INTS1: variants seen among roughly 807,000 people sequenced by gnomAD.
INTS1 encodes integrator complex subunit 1.
INTS1 carries 137 observed loss-of-function variants against 241.6 expected under a neutral mutation model. That is an observed-to-expected ratio of 0.57 (90% CI 0.49 to 0.65). The LOEUF (loss-of-function observed/expected upper bound fraction) is 0.65, where lower values mean the gene tolerates loss of function less well. Ranked by LOEUF, INTS1 falls within the 30% of genes least tolerant of loss-of-function variation. INTS1 has a pLI of 0.00. For missense variants in INTS1, 3,073 were observed against 3,032.2 expected (o/e 1.01, Z -0.32); for synonymous variants, 1,692 against 1,337.8 (o/e 1.26, Z -5.78).
In INTS1 at chr7:1,478,718, G is replaced by T. The variant is rs530722856; in HGVS notation, c.4489+8C>A. 1 of 1,562,000 alleles carries T rather than the reference G, an allele frequency of 6.4e-7. No individual in the cohort carries two copies. Among genetic ancestry groups the T allele is most frequent in the South Asian group, 1.2e-5 (1 of 86,242 alleles). On this transcript the variant is annotated splice_region_variant and intron_variant, in intron 32 of 47. Coordinates refer to ENST00000404767, the MANE Select transcript of INTS1 (RefSeq NM_001080453.3). ...CCCAGCCGTCTGCCAGCCCGGCGCGGTCCTCACCATCACTGAGCCTGCGCC... is the reference window on the plus strand; with the variant it reads ...CCCAGCCGTCTGCCAGCCCGGCGCGTTCCTCACCATCACTGAGCCTGCGCC...
intron 5 of INTS1, 30 bp downstream of exon 5, chr7:1,499,854 A>G: frequency 6.2e-7 from 1 of 1,602,264 alleles, no homozygotes; most frequent in Non-Finnish European, 8.5e-7. Flanking sequence ...GCGCTCTGCC[A>G]TCTTCACCGT....
intron 12 of INTS1, among the ~76,000 whole-genome samples, 198 bp downstream of exon 12, chr7:1,495,958 T>G (rs1782829340): frequency 6.6e-6 from 1 of 152,200 alleles, no homozygotes; most frequent in Admixed American, 6.5e-5. Flanking sequence ...GAACAGGGTC[T>G]GAGCCTGCAG....
intron 7 of INTS1, 24 bp downstream of exon 7, chr7:1,499,231 G>A: frequency 6.2e-7 from 1 of 1,607,820 alleles, no homozygotes; most frequent in Non-Finnish European, 8.5e-7. Context: ...GCCCCCAACT[G>A]GGACCGGGCA....
At chr7:1,476,993 T>TC in intron 35 of INTS1, 75 bp from the exon 36 acceptor site, 6 of 1,520,534 alleles carry the variant, frequency 3.9e-6, no homozygotes, top group Non-Finnish European at 5.3e-6. Context: ...GCTGACAGCT[T>TC]CCCCAATGAG....
intron 18 of INTS1, among the ~76,000 whole-genome samples, chr7:1,488,720 C>G (rs1356962798): frequency 6.6e-6 from 1 of 152,222 alleles, no homozygotes; most frequent in Non-Finnish European, 1.5e-5. Context: ...GGCCACTGCC[C>G]TTGGTGTGGT....
chr7:1,500,145 C>T, intron 4 of INTS1, 25 bp downstream of exon 4: 1 of 1,580,878 alleles, frequency 6.3e-7, no homozygotes. Context: ...CGCTGCTCGC[C>T]TCCTGCCAGG....
Position 1,479,176 on chromosome 7 carries a change from G to A in INTS1, c.4329+254C>T, listed in dbSNP as rs565836359. Among the ~76,000 whole-genome samples, 7 of 152,380 alleles carry A rather than the reference G, an allele frequency of 4.6e-5. No homozygotes were observed. The East Asian group carries it at 1.3e-3, about 29-fold the overall frequency. Reference sequence around the variant, plus strand: ...AACACAGTCCTAGGTACCAGCAGATGGGGAAAGCAAGGCAGGAGCGCCGAG... The same window carrying A: ...AACACAGTCCTAGGTACCAGCAGATAGGGAAAGCAAGGCAGGAGCGCCGAG... On this transcript the variant is annotated intron_variant, in intron 31 of 47. Transcript: ENST00000404767.
Position 1,495,562 on chromosome 7 carries a change from G to C in INTS1, c.1712-9C>G, listed in dbSNP as rs766846037. 10 of 1,606,262 alleles carry C rather than the reference G, an allele frequency of 6.2e-6. No homozygotes were observed. The highest frequency in any genetic ancestry group is 1.7e-4 in the Middle Eastern group (1 of 6,038). ...GCGGAGCACTTCCAGGTCTGAAACA[G>C]ACACGCAGCTTAGTGGCCCATCCGA... is the stretch of plus-strand genomic sequence containing the variant. On this transcript the variant is annotated splice_polypyrimidine_tract_variant and intron_variant, in intron 12 of 47. Coordinates refer to ENST00000404767, the MANE Select transcript of INTS1 (RefSeq NM_001080453.3).
At chr7:1,496,733 G>A (rs1477829263) in intron 11 of INTS1, among the ~76,000 whole-genome samples, 1 of 152,188 alleles carries the variant, frequency 6.6e-6, no homozygotes, top group Non-Finnish European at 1.5e-5. Flanking sequence ...CTGGCTGCGA[G>A]TTGGCTGCAG....
intron 16 of INTS1, among the ~76,000 whole-genome samples, chr7:1,490,656 T>A (rs182027032): frequency 1.3e-5 from 2 of 152,210 alleles, no homozygotes; most frequent in Admixed American, 1.3e-4. Flanking sequence ...CTCCCCAGAC[T>A]GACCCATGGA....
At position 1,497,067 on chromosome 7, in the gene INTS1, C is replaced by T. The variant is rs1782898658; in HGVS notation, c.1602+71G>A. The T allele has an allele frequency of 2.1e-6, 3 of 1,452,242 alleles. No individual in the cohort carries two copies. Among genetic ancestry groups the T allele is most frequent in the Non-Finnish European group, 2.8e-6 (3 of 1,089,396 alleles). 90.0% of individuals were successfully genotyped at this position (1,452,242 alleles called of 1,614,324 possible). On this transcript the variant is annotated intron_variant, in intron 11 of 47. Transcript: ENST00000404767. This position sits in a 1 kb window ranked among gnomAD's most constrained non-coding sequence, Gnocchi z 5.3. ...GAAGGGGTGGAGTGTGCATGGGACC[C>T]AGGACGAGGGGGATGGCGGCGCGTG...
chr7:1,498,655 C>A (rs1782981520), intron 9 of INTS1, 52 bp downstream of exon 9: 1 of 1,530,732 alleles, frequency 6.5e-7, no homozygotes, highest in Non-Finnish European at 8.8e-7. Context: ...CACACCCCCA[C>A]CCACACCCCC....
intron 26 of INTS1, chr7:1,483,375 G>A (rs1782088218): frequency 5.5e-6 from 2 of 364,592 alleles, no homozygotes; most frequent in South Asian, 4.9e-5. Context: ...CACTTGCCTG[G>A]CAGCCTCATG....
Position 1,477,751 on chromosome 7 carries a change from A to T in INTS1, c.4814+2T>A. 6.2e-7 allele frequency: 1 copy of T among 1,611,760 alleles called. No individual in the cohort carries two copies. Among genetic ancestry groups the T allele is most frequent in the Non-Finnish European group, 8.5e-7 (1 of 1,179,566 alleles). On this transcript the variant is annotated splice_donor_variant, in intron 34 of 47. Transcript: ENST00000404767. LOFTEE classifies it high-confidence loss of function. ...CTGGCCGTGTGCAGCACCCCAGCTC[A>T]CCTGCCACCGTCCGCACCCGGCTTC... is the stretch of plus-strand genomic sequence containing the variant.
At chr7:1,485,838 C>G (rs1426657270) in intron 22 of INTS1, among the ~76,000 whole-genome samples, 1 of 152,326 alleles carries the variant, frequency 6.6e-6, no homozygotes, top group East Asian at 1.9e-4. Context: ...GACAGGGTCT[C>G]ATTCTGTTGC....
intron 5 of INTS1, 92 bp downstream of exon 5, chr7:1,499,792 C>A (rs1397892607): frequency 1.3e-6 from 2 of 1,505,282 alleles, no homozygotes; most frequent in African/African-American, 2.8e-5. Flanking sequence ...CAGACACAGC[C>A]CTCTGGAGAG....
At chr7:1,488,865 C>T (rs1782408701) in intron 18 of INTS1, among the ~76,000 whole-genome samples, 1 of 152,222 alleles carries the variant, frequency 6.6e-6, no homozygotes, top group Admixed American at 6.5e-5. Context: ...CGACTCTCGT[C>T]CCACCTGCAC....
chr7:1,492,876 G>T (rs1395479221), intron 16 of INTS1, 134 bp downstream of exon 16: 3 of 514,748 alleles, frequency 5.8e-6, no homozygotes, highest in African/African-American at 4.5e-5. Context: ...GGGCTTACCC[G>T]GGCGGGAGTG....
rs551886970 is a variant in INTS1, at chr7:1,471,322, G to A, written c.6256-98C>T. ...CTCGTGATGGTTGGCGGCAACGGCA[G>A]GGACCCTAGGCCCCTATCCAGAAGG... On this transcript the variant is annotated intron_variant, in intron 45 of 47. Coordinates refer to ENST00000404767, the MANE Select transcript of INTS1 (RefSeq NM_001080453.3). The A allele has an allele frequency of 5.5e-5, 70 of 1,272,292 alleles. 2 individuals carry two copies. The South Asian group carries it at 9.2e-4, about 17-fold the overall frequency. The allele number at this position is 1,272,292 out of a possible 1,614,324, so 78.8% of individuals were successfully genotyped here. A position where few individuals can be genotyped will look rare whatever the true frequency, so the allele number is the denominator to read the frequency against.
Sources: gnomAD v4.1 joint callset for allele counts (sites outside exome capture counted in the v4.1 genomes callset) on GRCh38, gnomAD v4.1.1 for gene constraint, Gnocchi (gnomAD v3.1) non-coding constraint, MANE v1.5 for transcripts, NCBI Gene and HGNC (gene_info 2026-07-23, HGNC 2026-07-21) for gene names.